The following EDIL3 variants were observed in gnomAD, a reference collection of about 807,000 sequenced individuals.
EDIL3 encodes the protein EGF-like repeat and discoidin I-like domain-containing protein 3.
A neutral mutation model predicts 67.4 loss-of-function variants in EDIL3; 37 were observed. The ratio of observed to expected loss-of-function variants is 0.55; its 90% CI spans 0.42 to 0.72. The LOEUF (loss-of-function observed/expected upper bound fraction) is 0.72. Ranked by LOEUF, EDIL3 falls within the 30% of genes least tolerant of loss-of-function variation. The pLI, the probability that EDIL3 is intolerant of heterozygous loss-of-function variation, is 0.00. For missense variants in EDIL3, 527 were observed against 586.3 expected, an observed-to-expected ratio of 0.90 and a Z score of 1.04; for synonymous variants, 195 against 196.3, an observed-to-expected ratio of 0.99 and a Z score of 0.05.
At chr5:84,226,726 G>GAGC (rs1464913707) in intron 3 of EDIL3, among the ~76,000 whole-genome samples, 1 of 151,748 alleles carries the variant, frequency 6.6e-6, no homozygotes, top group African/African-American at 2.4e-5. Flanking sequence ...TATTCCTTAA[G>GAGC]AGCACATTTG....
At chr5:84,251,243 G>T (rs1009296778) in intron 2 of EDIL3, among the ~76,000 whole-genome samples, 1 of 152,086 alleles carries the variant, frequency 6.6e-6, no homozygotes, top group Non-Finnish European at 1.5e-5. Context: ...CTCCCTAGTA[G>T]CTGGGACTAC....
intron 1 of EDIL3, among the ~76,000 whole-genome samples, chr5:84,265,289 C>T (rs1745323971): frequency 6.6e-6 from 1 of 152,164 alleles, no homozygotes; most frequent in South Asian, 2.1e-4. Context: ...CCTTATACTG[C>T]AGCCCCAACT....
chr5:83,950,692 G>C (rs556208436), intron 10 of EDIL3, among the ~76,000 whole-genome samples: 2 of 151,804 alleles, frequency 1.3e-5, no homozygotes, highest in African/African-American at 4.8e-5. Context: ...TTATTCTCAT[G>C]GGCATAAACC....
At chr5:84,309,606 T>C (rs13161447) in intron 1 of EDIL3, among the ~76,000 whole-genome samples, 2 of 152,006 alleles carry the variant, frequency 1.3e-5, no homozygotes, top group African/African-American at 4.8e-5. Flanking sequence ...TGGTTTTTTG[T>C]CCTTGCGATA....
At chr5:84,243,972 T>C (rs376885479) in intron 2 of EDIL3, among the ~76,000 whole-genome samples, 1 of 152,350 alleles carries the variant, frequency 6.6e-6, no homozygotes, top group African/African-American at 2.4e-5. Context: ...TACTTTGATA[T>C]ATGTTAAACA....
intron 9 of EDIL3, among the ~76,000 whole-genome samples, chr5:83,964,509 T>C (rs1396871849): frequency 1.3e-5 from 2 of 151,924 alleles, no homozygotes; most frequent in African/African-American, 4.8e-5. Flanking sequence ...CTGTGAGATG[T>C]AAGGTAGCCA....
chr5:84,213,640 A>G (rs1280328618), intron 3 of EDIL3, among the ~76,000 whole-genome samples: 2 of 152,224 alleles, frequency 1.3e-5, no homozygotes, highest in African/African-American at 2.4e-5. Flanking sequence ...TTATGTCTAG[A>G]GAAAGAAAAA....
chr5:84,044,954 A>G (rs1426451233), intron 9 of EDIL3, among the ~76,000 whole-genome samples: 3 of 152,188 alleles, frequency 2.0e-5, no homozygotes, highest in Non-Finnish European at 1.5e-5. Flanking sequence ...ACTGCTGATA[A>G]AGACATACTC....
chr5:84,123,562 A>G (rs1747815132), intron 5 of EDIL3, among the ~76,000 whole-genome samples: 1 of 151,992 alleles, frequency 6.6e-6, no homozygotes, highest in South Asian at 2.1e-4. Flanking sequence ...GATTATGTTT[A>G]CTTCACACAC....
chr5:84,331,197 G>C (rs889454133), intron 1 of EDIL3, among the ~76,000 whole-genome samples: 2 of 152,178 alleles, frequency 1.3e-5, no homozygotes, highest in African/African-American at 4.8e-5. Flanking sequence ...TCTCAGCTGA[G>C]ACTTCGGACA....
At chr5:84,049,440 C>T (rs1344618541) in intron 9 of EDIL3, among the ~76,000 whole-genome samples, 1 of 152,136 alleles carries the variant, frequency 6.6e-6, no homozygotes, top group East Asian at 1.9e-4. Context: ...TTTATTTAAT[C>T]CACTTTAAGA....
At chr5:84,287,650 A>G (rs903697439) in intron 1 of EDIL3, among the ~76,000 whole-genome samples, 1 of 152,180 alleles carries the variant, frequency 6.6e-6, no homozygotes, top group Non-Finnish European at 1.5e-5. Context: ...GGGGGAAATG[A>G]AGGGAATTCT....
At chr5:83,993,219 A>T (rs1456927817) in intron 9 of EDIL3, among the ~76,000 whole-genome samples, 2 of 152,080 alleles carry the variant, frequency 1.3e-5, no homozygotes, top group Non-Finnish European at 2.9e-5. Context: ...GTCATCCAGG[A>T]TAGTGTACAG....
rs138196056 is a variant in EDIL3 at position 84,307,735 on chromosome 5, A to G, written c.68-53523T>C. On this transcript the variant is annotated intron_variant, in intron 1 of 10. Transcript: ENST00000296591. ...AAGTCCACAATTAGCTGCAGCCTGT[A>G]CAAGAGAGATATAAAAAATACAGGA... Among the ~76,000 whole-genome samples the G allele has an allele frequency of 6.2e-4, 94 of 152,290 alleles. 1 individual carries two copies. The East Asian group carries it at 0.017, about 28-fold the overall frequency.
chr5:84,369,155 T>A lies in EDIL3; in HGVS notation c.67+15153A>T, dbSNP rs144569536. On this transcript the variant is annotated intron_variant, in intron 1 of 10. Transcript: ENST00000296591. ...TGAAAACAGACTCTGAAAGGGATAC[T>A]TGTGAAGCCATGTTCATAGCAGCAT... Among the ~76,000 whole-genome samples, 713 of 151,714 alleles carry A rather than the reference T, an allele frequency of 4.7e-3. 3 individuals are homozygous for A. Among genetic ancestry groups the A allele is most frequent in the Non-Finnish European group, 7.1e-3 (480 of 67,866 alleles).
At chr5:84,047,173 T>G (rs1162849865) in intron 9 of EDIL3, among the ~76,000 whole-genome samples, 5 of 152,188 alleles carry the variant, frequency 3.3e-5, no homozygotes, top group Admixed American at 6.5e-5. Flanking sequence ...TTTCTGAGAT[T>G]GTACCCTGTA....
chr5:83,988,944 C>T lies in EDIL3; in HGVS notation c.1138-25584G>A, dbSNP rs749973182. On this transcript the variant is annotated intron_variant, in intron 9 of 10. Coordinates refer to ENST00000296591, the MANE Select transcript of EDIL3 (RefSeq NM_005711.5). Reference sequence around the variant, plus strand: ...ACAAGTACCACTACTTGTAGAATTGCTCAACCTTTCAGTTCTTTAACACTC... The same window carrying T: ...ACAAGTACCACTACTTGTAGAATTGTTCAACCTTTCAGTTCTTTAACACTC... Among the ~76,000 whole-genome samples, 18 of 152,240 alleles carry T rather than the reference C, an allele frequency of 1.2e-4. No homozygotes were observed. In the South Asian group the frequency reaches 2.3e-3, roughly 19 times the overall value.
intron 9 of EDIL3, among the ~76,000 whole-genome samples, chr5:83,976,414 A>G (rs532098479): frequency 9.2e-5 from 14 of 152,040 alleles, no homozygotes; most frequent in African/African-American, 3.4e-4. Context: ...CAATTCATTA[A>G]TACAGCCCAG....
chr5:83,990,726 G>A (rs538047248), intron 9 of EDIL3, among the ~76,000 whole-genome samples: 21 of 151,020 alleles, frequency 1.4e-4, no homozygotes, highest in East Asian at 7.9e-4. Flanking sequence ...CTGAAAATAC[G>A]AAAATTAGCT....
Sources: allele counts gnomAD v4.1 joint callset (sites outside exome capture counted in the v4.1 genomes callset), GRCh38; gene constraint gnomAD v4.1.1; transcripts MANE v1.5; gene names NCBI Gene and HGNC (gene_info 2026-07-23, HGNC 2026-07-21).